The following TREH variants were observed in gnomAD, a reference collection of about 807,000 sequenced individuals.
The protein encoded by TREH is trehalase.
TREH carries 69 observed loss-of-function variants against 80.5 expected under a neutral mutation model. The observed-to-expected ratio is 0.86, with a 90% CI of 0.71 to 1.05. The LOEUF is 1.05. TREH is among the 50% of genes least tolerant of loss of function. The pLI, the probability that TREH is intolerant of heterozygous loss-of-function variation, is 0.00. For synonymous variants in TREH, 309 were observed against 293.5 expected, an observed-to-expected ratio of 1.05 and a Z score of -0.54; for missense variants, 716 against 718.8, an observed-to-expected ratio of 1.00 and a Z score of 0.04.
chr11:118,675,881 T>G (rs1949473785), intron 1 of TREH, among the ~76,000 whole-genome samples: 1 of 152,180 alleles, frequency 6.6e-6, no homozygotes, highest in Admixed American at 6.5e-5. Context: ...TTTGGCATTT[T>G]TGGTAGAGAC....
chr11:118,667,016 G>T (rs1949384103), intron 1 of TREH, among the ~76,000 whole-genome samples: 2 of 151,994 alleles, frequency 1.3e-5, no homozygotes, highest in African/African-American at 4.8e-5. Flanking sequence ...CCGAGTAGCT[G>T]GGATTACGGG....
At position 118,674,185 on chromosome 11, in the gene TREH, G is replaced by A. The variant is rs1279054525; in HGVS notation, c.89+5354C>T. Among the ~76,000 whole-genome samples, 1 of 152,144 alleles carries A rather than the reference G, an allele frequency of 6.6e-6. No individual in the cohort carries two copies. The highest frequency in any genetic ancestry group is 1.5e-5 in the Non-Finnish European group (1 of 68,026). ...TTATCTTACATCCTTCAGTCATAGG[G>A]GCAATTTCAAATAATGTCTGATAGC... is the stretch of plus-strand genomic sequence containing the variant. On this transcript the variant is annotated intron_variant, in intron 1 of 14. Transcript: ENST00000264029. The surrounding 1 kb of genome is among the most constrained non-coding windows in gnomAD (Gnocchi z 4.4).
chr11:118,663,570 CGTGTGT>C, intron 1 of TREH, 131 bp from the exon 2 acceptor site: 1 of 692,024 alleles, frequency 1.4e-6, no homozygotes, highest in Non-Finnish European at 2.4e-6. Flanking sequence ...TGTGTGCGTG[CGTGTGT>C]GTGTGTGTGT....
intron 1 of TREH, among the ~76,000 whole-genome samples, chr11:118,676,697 G>T (rs1334227923): frequency 2.2e-5 from 3 of 138,954 alleles, no homozygotes; most frequent in African/African-American, 5.5e-5. Flanking sequence ...AACCCTGGGG[G>T]CAGAGGTTGC....
chr11:118,670,598 C>T (rs1949422010), intron 1 of TREH, among the ~76,000 whole-genome samples: 1 of 152,178 alleles, frequency 6.6e-6, no homozygotes, highest in Non-Finnish European at 1.5e-5. Flanking sequence ...AATGCCAGTG[C>T]TTTATTATGG....
At chr11:118,666,330 A>G (rs114756182) in intron 1 of TREH, among the ~76,000 whole-genome samples, 13 of 152,360 alleles carry the variant, frequency 8.5e-5, no homozygotes, top group African/African-American at 3.1e-4. Flanking sequence ...GGGGAATCCA[A>G]TATCACATTG....
chr11:118,663,286 C>T (rs1275297667), intron 2 of TREH, 53 bp downstream of exon 2: 1 of 1,562,998 alleles, frequency 6.4e-7, no homozygotes, highest in Non-Finnish European at 8.7e-7. Context: ...TGCCCCCTGC[C>T]TTCTTTGGAG....
intron 1 of TREH, among the ~76,000 whole-genome samples, chr11:118,668,415 G>GA (rs1375619817): frequency 4.6e-5 from 7 of 151,576 alleles, no homozygotes; most frequent in East Asian, 1.9e-4. Flanking sequence ...CAAAAAAAAT[G>GA]AAAAAATTAG....
rs1020413982 is a variant in TREH at position 118,660,892 on chromosome 11, A to G, written c.881T>C (p.Val294Ala). ...TTCTGGCAAGGTGTCAGCCAACTCC[A>G]CATCTTTGCTGTAGGACTCAGGCCT... ...GPRPESYSKD[V>A]ELADTLPEGD... The change falls in exon 9 of 15, where the codon GTG becomes GCG. Residue 294 changes from valine to alanine, a missense_variant. By Grantham distance (64) the Val-to-Ala change is moderately conservative. Coordinates refer to ENST00000264029, the MANE Select transcript of TREH (RefSeq NM_007180.3). The G allele has an allele frequency of 1.9e-6, 3 of 1,572,192 alleles. No homozygotes were observed. The highest frequency in any genetic ancestry group is 1.4e-5 in the African/African-American group (1 of 73,924).
rs782149655 is a variant in TREH, at chr11:118,658,379, C to T, written c.1662G>A (p.Leu554=). The T allele has an allele frequency of 1.9e-6, 3 of 1,608,994 alleles. No homozygotes were observed. Among genetic ancestry groups the T allele is most frequent in the Admixed American group, 3.4e-5 (2 of 59,584 alleles). Residue 554 remains leucine, a synonymous_variant, in exon 15 of 15, where the codon CTG becomes CTA. Coordinates refer to ENST00000264029, the MANE Select transcript of TREH (RefSeq NM_007180.3). ...LMLLDRYGDR[L]TSGAKLAFLE... ...GGAAAGCCAGCTTGGCCCCTGAGGT[C>T]AGCCGGTCACCATAGCGGTCCAGCA...
At chr11:118,678,719 C>G (rs1949504201) in intron 1 of TREH, among the ~76,000 whole-genome samples, 1 of 150,508 alleles carries the variant, frequency 6.6e-6, no homozygotes, top group Non-Finnish European at 1.5e-5. Context: ...CTGATGTGGC[C>G]ACAGCTCCAT....
At chr11:118,679,318 C>T (rs1255977290) in intron 1 of TREH, among the ~76,000 whole-genome samples, 1 of 151,994 alleles carries the variant, frequency 6.6e-6, no homozygotes, top group East Asian at 1.9e-4. Flanking sequence ...TCTGGACGAC[C>T]GAGCAAGACT....
In TREH at chr11:118,674,703, C is replaced by T. The variant is rs111826161; in HGVS notation, c.89+4836G>A. 3.9e-5 allele frequency among the ~76,000 whole-genome samples: 6 copies of T among 152,212 alleles called. No individual in the cohort carries two copies. Among genetic ancestry groups the T allele is most frequent in the Non-Finnish European group, 7.4e-5 (5 of 68,000 alleles). ...GATTACAGGTGCGCACCACCACACC[C>T]GGCTAATTTTGTATTTTTAGTAGAG... On this transcript the variant is annotated intron_variant, in intron 1 of 14. Transcript: ENST00000264029. This position sits in a 1 kb window ranked among gnomAD's most constrained non-coding sequence, Gnocchi z 4.4.
In TREH at chr11:118,679,527, C is replaced by A. The variant is rs374953219; in HGVS notation, c.89+12G>T. On this transcript the variant is annotated intron_variant, in intron 1 of 14. Coordinates refer to ENST00000264029, the MANE Select transcript of TREH (RefSeq NM_007180.3). ...TTGCCATCCTCCCCTGCTGCCTTCC[C>A]CACACCCCTACCTCTCACAGGGTGG... 1.4e-3 allele frequency: 2,054 copies of A among 1,480,892 alleles called. 6 individuals are homozygous for A. The highest frequency in any genetic ancestry group is 2.3e-3 in the Middle Eastern group (13 of 5,684). The allele number at this position is 1,480,892 out of a possible 1,614,324, so 91.7% of individuals were successfully genotyped here. A position where few individuals can be genotyped will look rare whatever the true frequency, so the allele number is the denominator to read the frequency against.
rs893407792 is a variant in TREH, at chr11:118,666,409, G to A, written c.90-2970C>T. ...GCACGATTATACCAGATGCCTGAAA[G>A]GGGGAAGCCATGCATTTGCCAAGAC... On this transcript the variant is annotated intron_variant, in intron 1 of 14. Coordinates refer to ENST00000264029, the MANE Select transcript of TREH (RefSeq NM_007180.3). Among the ~76,000 whole-genome samples the A allele has an allele frequency of 2.6e-5, 4 of 152,280 alleles. No homozygotes were observed. In the East Asian group the frequency reaches 7.7e-4, roughly 29 times the overall value.
At chr11:118,670,839 G>A (rs782806663) in intron 1 of TREH, among the ~76,000 whole-genome samples, 3 of 152,196 alleles carry the variant, frequency 2.0e-5, no homozygotes, top group Non-Finnish European at 4.4e-5. Context: ...GAATGAAGAG[G>A]CGGTATCATC....
At chr11:118,673,839 A>G (rs1949452235) in intron 1 of TREH, among the ~76,000 whole-genome samples, 1 of 152,244 alleles carries the variant, frequency 6.6e-6, no homozygotes, top group Non-Finnish European at 1.5e-5. Flanking sequence ...TTCTTTGATC[A>G]GAGTAACAAC....
intron 1 of TREH, among the ~76,000 whole-genome samples, chr11:118,672,255 G>A (rs567477347): frequency 4.4e-4 from 67 of 152,096 alleles, no homozygotes; most frequent in African/African-American, 9.9e-4. Context: ...AAAATTAGCC[G>A]GGTGTGGTGG....
chr11:118,663,424 G>T lies in TREH; in HGVS notation c.105C>A (p.His35Gln). Residue 35 changes from histidine to glutamine, a missense_variant, in exon 2 of 15, where the codon CAC becomes CAA. His to Gln is a conservative substitution (Grantham distance 24, BLOSUM62 0). Transcript: ENST00000264029. The stretch of plus-strand genomic sequence containing the variant: ...TTTGAACTTGGTTTAGGAGCTCCCC[G>T]TGGCAGTAAATCTCACTGCAGAGAC... ...PPPCESEIYC[H>Q]GELLNQVQMA... The T allele has an allele frequency of 1.3e-6, 2 of 1,582,956 alleles. No individual in the cohort carries two copies. Among genetic ancestry groups the T allele is most frequent in the South Asian group, 2.4e-5 (2 of 84,024 alleles).
Sources: allele counts gnomAD v4.1 joint callset (sites outside exome capture counted in the v4.1 genomes callset), GRCh38; gene constraint gnomAD v4.1.1; non-coding constraint Gnocchi (gnomAD v3.1); transcripts MANE v1.5; gene names NCBI Gene and HGNC (gene_info 2026-07-23, HGNC 2026-07-21).